PRORP: variants seen among roughly 807,000 people sequenced by gnomAD.
The protein encoded by PRORP is mitochondrial ribonuclease P catalytic subunit.
Under a neutral mutation model 59.4 loss-of-function variants are expected in PRORP, and 51 were observed. The observed-to-expected ratio is 0.86, with a 90% confidence interval of 0.69 to 1.08. PRORP has a LOEUF of 1.08. Among genes scored for constraint, PRORP ranks in the 50% least tolerant of loss-of-function variants. The probability of loss-of-function intolerance (pLI) is 0.00; values close to 1 mark genes in which losing one functional copy is unlikely to be tolerated. For missense variants in PRORP, 646 were observed against 690.3 expected (o/e 0.94, Z 0.72); for synonymous variants, 231 against 245.6 (o/e 0.94, Z 0.55).
chr14:35,142,131 G>A (rs1045842957), intron 4 of PRORP, among the ~76,000 whole-genome samples: 4 of 143,756 alleles, frequency 2.8e-5, no homozygotes, highest in African/African-American at 9.8e-5. Flanking sequence ...CATCCGCCTC[G>A]GCCTCCTAAA....
intron 5 of PRORP, among the ~76,000 whole-genome samples, chr14:35,224,288 T>C (rs1193229891): frequency 1.3e-5 from 2 of 152,248 alleles, no homozygotes; most frequent in Non-Finnish European, 2.9e-5. Context: ...AAATTTGTCT[T>C]AAATCAGATA....
intron 5 of PRORP, among the ~76,000 whole-genome samples, chr14:35,250,396 T>G (rs1177144423): frequency 6.6e-6 from 1 of 152,170 alleles, no homozygotes. Context: ...ATCAGGTCCT[T>G]TAGAGAAAAT....
chr14:35,249,366 G>A (rs1433091112), intron 5 of PRORP, among the ~76,000 whole-genome samples: 2 of 152,072 alleles, frequency 1.3e-5, no homozygotes, highest in East Asian at 1.9e-4. Context: ...AGGATTGCTT[G>A]AGCCCAGGAG....
At chr14:35,131,759 C>G (rs2047245551) in intron 4 of PRORP, among the ~76,000 whole-genome samples, 1 of 151,986 alleles carries the variant, frequency 6.6e-6, no homozygotes, top group South Asian at 2.1e-4. Flanking sequence ...GAACTCCTGA[C>G]CTCAGGTGAT....
At chr14:35,232,179 T>A (rs2050097401) in intron 5 of PRORP, among the ~76,000 whole-genome samples, 1 of 151,926 alleles carries the variant, frequency 6.6e-6, no homozygotes, top group South Asian at 2.1e-4. Flanking sequence ...CCCTGTTTGG[T>A]ATGGCCATGC....
chr14:35,135,638 T>C (rs1468771047), intron 4 of PRORP, among the ~76,000 whole-genome samples: 4 of 152,128 alleles, frequency 2.6e-5, no homozygotes, highest in African/African-American at 9.7e-5. Context: ...TTAAGAAACA[T>C]TGTCATAGGT....
chr14:35,181,674 A>C (rs1295531717), intron 5 of PRORP, among the ~76,000 whole-genome samples: 2 of 151,084 alleles, frequency 1.3e-5, no homozygotes, highest in African/African-American at 4.9e-5. Context: ...AATCCCAGCT[A>C]CTCGGGAGGC....
intron 5 of PRORP, among the ~76,000 whole-genome samples, chr14:35,195,438 TA>T (rs943604689): frequency 5.2e-4 from 77 of 149,230 alleles, no homozygotes; most frequent in African/African-American, 1.4e-3. Context: ...TTTTTGAAAA[TA>T]AAAAAAAAAT....
chr14:35,172,501 TCTCTC>T (rs1566474639), intron 4 of PRORP, among the ~76,000 whole-genome samples: 3,876 of 135,310 alleles, frequency 0.029, 224 homozygotes, highest in African/African-American at 0.095. Context: ...CCTCTCTCCC[TCTCTC>T]CCTCTCTCCC....
chr14:35,246,612 A>G (rs1279786685), intron 5 of PRORP, among the ~76,000 whole-genome samples: 3 of 152,060 alleles, frequency 2.0e-5, no homozygotes, highest in Non-Finnish European at 2.9e-5. Context: ...TCTTGTTGCT[A>G]TTGTCTCTAA....
At chr14:35,224,336 A>G (rs1369872426) in intron 5 of PRORP, among the ~76,000 whole-genome samples, 1 of 152,208 alleles carries the variant, frequency 6.6e-6, no homozygotes, top group Non-Finnish European at 1.5e-5. Context: ...TATTTAGCAA[A>G]TATTCATTTA....
At chr14:35,211,462 G>A (rs1328737074) in intron 5 of PRORP, among the ~76,000 whole-genome samples, 1 of 152,060 alleles carries the variant, frequency 6.6e-6, no homozygotes, top group Non-Finnish European at 1.5e-5. Flanking sequence ...TGTTTTTACA[G>A]CTTCATCAAT....
At chr14:35,156,156 G>A (rs890377502) in intron 4 of PRORP, among the ~76,000 whole-genome samples, 1 of 152,204 alleles carries the variant, frequency 6.6e-6, no homozygotes, top group Non-Finnish European at 1.5e-5. Context: ...TTCTGGTGTG[G>A]TTAGGCATTT....
intron 4 of PRORP, among the ~76,000 whole-genome samples, chr14:35,171,140 C>T (rs550794806): frequency 6.6e-6 from 1 of 152,250 alleles, no homozygotes; most frequent in East Asian, 1.9e-4. Flanking sequence ...TGAGCCACTG[C>T]ACCTAGCCTT....
At chr14:35,234,977 C>T (rs768974579) in intron 5 of PRORP, among the ~76,000 whole-genome samples, 1 of 152,124 alleles carries the variant, frequency 6.6e-6, no homozygotes, top group Non-Finnish European at 1.5e-5. Flanking sequence ...AGCCACCACA[C>T]CTGTTCCCTA....
chr14:35,219,801 C>T (rs902500167), intron 5 of PRORP, among the ~76,000 whole-genome samples: 9 of 152,202 alleles, frequency 5.9e-5, no homozygotes, highest in African/African-American at 2.2e-4. Context: ...TCTGGAAACA[C>T]TGCAGAAAAA....
chr14:35,187,428 G>GTGT (rs2048767462), intron 5 of PRORP, among the ~76,000 whole-genome samples: 1 of 138,982 alleles, frequency 7.2e-6, no homozygotes, highest in Non-Finnish European at 1.5e-5. Context: ...TAGTTTCTTT[G>GTGT]TTTTTTTTTT....
chr14:35,125,010 G>A (rs569519203), intron 2 of PRORP, among the ~76,000 whole-genome samples: 153 of 151,588 alleles, frequency 1.0e-3, no homozygotes, highest in African/African-American at 3.3e-3. Flanking sequence ...ACAGGCATGC[G>A]CCACCATGCC....
intron 2 of PRORP, among the ~76,000 whole-genome samples, chr14:35,125,009 C>T (rs555507188): frequency 6.6e-5 from 10 of 151,548 alleles, no homozygotes; most frequent in South Asian, 2.1e-4. Flanking sequence ...TACAGGCATG[C>T]GCCACCATGC....
Sources: allele counts gnomAD v4.1 joint callset (sites outside exome capture counted in the v4.1 genomes callset), GRCh38; gene constraint gnomAD v4.1.1; transcripts MANE v1.5; gene names NCBI Gene and HGNC (gene_info 2026-07-23, HGNC 2026-07-21).